AXDND1: variants seen among roughly 807,000 people sequenced by gnomAD.
The protein encoded by AXDND1 is axonemal dynein light chain domain containing 1, also known as axonemal dynein light chain domain-containing protein 1.
A neutral mutation model predicts 137.5 loss-of-function variants in AXDND1; 110 were observed. The ratio of observed to expected loss-of-function variants is 0.80; its 90% CI spans 0.69 to 0.94. The LOEUF (loss-of-function observed/expected upper bound fraction) is 0.94, where lower values mean the gene tolerates loss of function less well. Among genes scored for constraint, AXDND1 ranks in the 40% least tolerant of loss-of-function variants. AXDND1 has a pLI of 0.00. For missense variants in AXDND1, 1,191 were observed against 1,169.8 expected (o/e 1.02, Z -0.26); for synonymous variants, 414 against 399.7 (o/e 1.04, Z -0.43).
intron 4 of AXDND1, 28 bp downstream of exon 4, chr1:179,370,106 G>T (rs1667893468): frequency 6.5e-7 from 1 of 1,541,126 alleles, no homozygotes; most frequent in Non-Finnish European, 8.9e-7. Flanking sequence ...TAGGATAGAT[G>T]CTGATAAATA....
At chr1:179,417,383 T>G (rs1183181012) in intron 12 of AXDND1, among the ~76,000 whole-genome samples, 1 of 152,204 alleles carries the variant, frequency 6.6e-6, no homozygotes, top group Non-Finnish European at 1.5e-5. Context: ...TTGCTTTGGT[T>G]GCCTGTGCTT....
chr1:179,431,585 G>A (rs1233118821), intron 14 of AXDND1, among the ~76,000 whole-genome samples: 1 of 149,934 alleles, frequency 6.7e-6, no homozygotes, highest in African/African-American at 2.5e-5. Context: ...TAAATTTTAA[G>A]ATGCTTTGTC....
chr1:179,486,970 A>G (rs1666153839), intron 18 of AXDND1, among the ~76,000 whole-genome samples: 1 of 148,782 alleles, frequency 6.7e-6, no homozygotes, highest in East Asian at 1.9e-4. Context: ...ACATATCAAT[A>G]CTAACCTTGA....
At chr1:179,413,775 G>A (rs1028959073) in intron 12 of AXDND1, among the ~76,000 whole-genome samples, 4 of 152,150 alleles carry the variant, frequency 2.6e-5, no homozygotes, top group African/African-American at 9.7e-5. Context: ...TGGGATTGCT[G>A]GGTCAAATGG....
At chr1:179,489,795 G>C (rs1444522119) in intron 18 of AXDND1, among the ~76,000 whole-genome samples, 3 of 141,824 alleles carry the variant, frequency 2.1e-5, no homozygotes, top group African/African-American at 5.4e-5. Flanking sequence ...GCCCAGGCTG[G>C]AGTGCAGTGG....
intron 12 of AXDND1, 52 bp downstream of exon 12, chr1:179,411,318 T>G (rs778603870): frequency 1.1e-5 from 18 of 1,577,816 alleles, no homozygotes; most frequent in African/African-American, 1.4e-5. Flanking sequence ...TAAAGATTCA[T>G]TCTACAGTTT....
chr1:179,425,826 G>A (rs1486946521), intron 12 of AXDND1, among the ~76,000 whole-genome samples: 3 of 141,638 alleles, frequency 2.1e-5, no homozygotes, highest in African/African-American at 7.8e-5. Context: ...AGAGAGAAAT[G>A]TGGAAGCTCT....
intron 16 of AXDND1, chr1:179,449,362 TA>T (rs1571880396): frequency 3.6e-6 from 1 of 278,944 alleles, no homozygotes; most frequent in Non-Finnish European, 7.1e-6. Flanking sequence ...TTTGTAGTCT[TA>T]AGCCTATTCT....
chr1:179,416,377 A>C (rs554144178), intron 12 of AXDND1, among the ~76,000 whole-genome samples: 4 of 152,294 alleles, frequency 2.6e-5, no homozygotes, highest in Non-Finnish European at 5.9e-5. Flanking sequence ...GCTATTGTGA[A>C]TAGTGCTGGT....
rs1670471636 is a variant in AXDND1 at position 179,525,708 on chromosome 1, G to A, written c.2610+261G>A. On this transcript the variant is annotated intron_variant, in intron 22 of 25. Coordinates refer to ENST00000367618, the MANE Select transcript of AXDND1 (RefSeq NM_144696.6). ...AGAGATGGGATCTTGCTATGCCCAG[G>A]CTGGTCTTGAACTGGTCTCAAGCGA... 2.0e-5 allele frequency among the ~76,000 whole-genome samples: 3 copies of A among 152,010 alleles called. No homozygotes were observed. In the South Asian group the frequency reaches 6.2e-4, roughly 32 times the overall value.
rs377068660 is a variant in AXDND1, at chr1:179,529,039, G to A, written c.2715+608G>A. 5.5e-4 allele frequency among the ~76,000 whole-genome samples: 83 copies of A among 152,166 alleles called. 1 individual carries two copies. The South Asian group carries it at 0.015, about 27-fold the overall frequency. Reference sequence around the variant, plus strand: ...CATACCCATAAGAACAATAACTGTCGGGAAACTGGGAACTTAGAGACAGTA... The same window carrying A: ...CATACCCATAAGAACAATAACTGTCAGGAAACTGGGAACTTAGAGACAGTA... On this transcript the variant is annotated intron_variant, in intron 23 of 25. Transcript: ENST00000367618.
In AXDND1 at chr1:179,396,149, A is replaced by G. The variant is rs1471114402; in HGVS notation, c.1109+947A>G. On this transcript the variant is annotated intron_variant, in intron 11 of 25. Transcript: ENST00000367618. ...GTGCCACTGCACTCCAGCCTGGGTG[A>G]CAGAGTGAGATTCTGTCCCATAAAA... Among the ~76,000 whole-genome samples, 3 of 149,990 alleles carry G rather than the reference A, an allele frequency of 2.0e-5. No individual in the cohort carries two copies. In the East Asian group the frequency reaches 5.9e-4, roughly 30 times the overall value.
intron 16 of AXDND1, among the ~76,000 whole-genome samples, chr1:179,466,273 C>CT (rs1217734824): frequency 1.2e-5 from 1 of 82,974 alleles, no homozygotes; most frequent in African/African-American, 3.9e-5. Flanking sequence ...TTCTTTCTTT[C>CT]TTCTTCTTCT....
At chr1:179,376,663 T>A (rs577149789) in intron 4 of AXDND1, among the ~76,000 whole-genome samples, 61 of 152,314 alleles carry the variant, frequency 4.0e-4, no homozygotes, top group African/African-American at 1.5e-3. Flanking sequence ...TGGGTGGTGT[T>A]GTTATTAGTT....
rs576660729 is a variant in AXDND1, at chr1:179,426,043, G to A, written c.1231-3475G>A. Among the ~76,000 whole-genome samples the A allele has an allele frequency of 3.1e-4, 47 of 152,032 alleles. No individual in the cohort carries two copies. The Middle Eastern group carries it at 0.014, about 44-fold the overall frequency. ...GTAGAGACGGGGTTTTACCATGTTGGTCAGGCTGGTCTCAAACTCCCGACC... is the reference window on the plus strand; with the variant it reads ...GTAGAGACGGGGTTTTACCATGTTGATCAGGCTGGTCTCAAACTCCCGACC... On this transcript the variant is annotated intron_variant, in intron 12 of 25. Transcript: ENST00000367618.
chr1:179,447,792 G>A (rs1313326290), intron 16 of AXDND1: 1 of 1,297,910 alleles, frequency 7.7e-7, no homozygotes, highest in Non-Finnish European at 1.1e-6. Context: ...TCCCCACTGG[G>A]CTGCTTCCAG....
Position 179,383,559 on chromosome 1 carries a change from G to A in AXDND1, c.741+15G>A, listed in dbSNP as rs747215880. On this transcript the variant is annotated intron_variant, in intron 8 of 25. Coordinates refer to ENST00000367618, the MANE Select transcript of AXDND1 (RefSeq NM_144696.6). ...GACCAACGAAGGTAATTGCAAAGCC[G>A]AATGCAACCTGGTGGCTAAGAGCAT... The A allele has an allele frequency of 1.8e-5, 28 of 1,590,166 alleles. No individual in the cohort carries two copies. Among genetic ancestry groups the A allele is most frequent in the Admixed American group, 6.7e-5 (4 of 59,904 alleles).
intron 17 of AXDND1, among the ~76,000 whole-genome samples, chr1:179,471,515 A>T (rs1403332793): frequency 6.6e-6 from 1 of 152,128 alleles, no homozygotes; most frequent in Non-Finnish European, 1.5e-5. Context: ...ATTCCCTTAT[A>T]ATCCTTTTTA....
At chr1:179,528,260 C>T (rs1048936190) in intron 22 of AXDND1, 67 bp from the exon 23 acceptor site, 18 of 1,107,810 alleles carry the variant, frequency 1.6e-5, no homozygotes, top group East Asian at 2.4e-5. Context: ...AACTTGCTAC[C>T]GTGCCAGGAA....
Sources: gnomAD v4.1 joint callset for allele counts (sites outside exome capture counted in the v4.1 genomes callset) on GRCh38, gnomAD v4.1.1 for gene constraint, MANE v1.5 for transcripts, NCBI Gene and HGNC (gene_info 2026-07-23, HGNC 2026-07-21) for gene names.